NAV2: variants seen among roughly 807,000 people sequenced by gnomAD.
NAV2 encodes the protein neuron navigator 2.
In NAV2, 54 loss-of-function variants were observed where a neutral mutation model predicts 223.2. The observed-to-expected ratio is 0.24, with a 90% CI of 0.19 to 0.30. NAV2 has a LOEUF of 0.30. Among genes scored for constraint, NAV2 ranks in the 10% least tolerant of loss-of-function variants. The probability of loss-of-function intolerance (pLI) is 1.00; values close to 1 mark genes in which losing one functional copy is unlikely to be tolerated. For synonymous variants in NAV2, 1,279 were observed against 1,239.3 expected, an observed-to-expected ratio of 1.03 and a Z score of -0.67; for missense variants, 2,806 against 3,147.5, an observed-to-expected ratio of 0.89 and a Z score of 2.60.
chr11:20,033,403 G>A (rs2055989473), intron 11 of NAV2, among the ~76,000 whole-genome samples: 1 of 152,206 alleles, frequency 6.6e-6, no homozygotes, highest in Non-Finnish European at 1.5e-5. Flanking sequence ...AAATAGAAAT[G>A]TGTGACACTA....
At chr11:19,763,769 G>A (rs868151208) in intron 1 of NAV2, among the ~76,000 whole-genome samples, 14 of 147,710 alleles carry the variant, frequency 9.5e-5, no homozygotes, top group Middle Eastern at 3.5e-3. Flanking sequence ...AAAGATTAGC[G>A]TTGTTGTTTT....
At chr11:19,475,320 C>A (rs2042084042) in intron 1 of NAV2, among the ~76,000 whole-genome samples, 1 of 152,190 alleles carries the variant, frequency 6.6e-6, no homozygotes, top group African/African-American at 2.4e-5. Flanking sequence ...TTCAGTGAAG[C>A]CCAGCAGACC....
chr11:19,397,722 G>A (rs1849517623), intron 1 of NAV2, among the ~76,000 whole-genome samples: 1 of 152,148 alleles, frequency 6.6e-6, no homozygotes, highest in Admixed American at 6.5e-5. Flanking sequence ...GCTCTTAAGA[G>A]ACCTGGAGAC....
At chr11:19,531,129 T>C (rs868182556) in intron 1 of NAV2, among the ~76,000 whole-genome samples, 1 of 152,246 alleles carries the variant, frequency 6.6e-6, no homozygotes, top group Non-Finnish European at 1.5e-5. Flanking sequence ...TGAAGAAATA[T>C]ATAGACTATG....
intron 1 of NAV2, among the ~76,000 whole-genome samples, chr11:19,489,533 G>T (rs928410012): frequency 2.0e-5 from 3 of 152,122 alleles, no homozygotes; most frequent in Non-Finnish European, 4.4e-5. Context: ...TTAAATGAGG[G>T]TCACAGTCTC....
chr11:19,950,561 A>C (rs1364377455), intron 10 of NAV2, among the ~76,000 whole-genome samples: 1 of 152,256 alleles, frequency 6.6e-6, no homozygotes, highest in East Asian at 1.9e-4. Flanking sequence ...TGTGACTAGA[A>C]GTGTTCTTTT....
intron 37 of NAV2, among the ~76,000 whole-genome samples, chr11:20,117,666 T>C (rs2063232083): frequency 6.6e-6 from 1 of 151,658 alleles, no homozygotes; most frequent in Non-Finnish European, 1.5e-5. Context: ...TGGGAGGGGG[T>C]CCATGTGCTT....
At chr11:19,744,306 A>G (rs1429969278) in intron 1 of NAV2, among the ~76,000 whole-genome samples, 2 of 152,144 alleles carry the variant, frequency 1.3e-5, no homozygotes, top group Admixed American at 6.5e-5. Context: ...GAGGATGCCA[A>G]TGGCACACTT....
At chr11:19,677,897 T>C (rs2048760934) in intron 1 of NAV2, among the ~76,000 whole-genome samples, 1 of 152,276 alleles carries the variant, frequency 6.6e-6, no homozygotes, top group Non-Finnish European at 1.5e-5. Flanking sequence ...ATTTACTATC[T>C]GGCCTTTTAT....
chr11:19,641,295 A>G (rs890570952), intron 1 of NAV2, among the ~76,000 whole-genome samples: 2 of 152,056 alleles, frequency 1.3e-5, no homozygotes, highest in African/African-American at 4.8e-5. Context: ...TCTATATTCA[A>G]TCTAGCAACA....
intron 1 of NAV2, among the ~76,000 whole-genome samples, chr11:19,429,128 CA>C (rs2133577523): frequency 6.6e-6 from 1 of 152,344 alleles, no homozygotes; most frequent in East Asian, 1.9e-4. Context: ...CAGGTGCACT[CA>C]GAGTCTTCTG....
intron 1 of NAV2, among the ~76,000 whole-genome samples, chr11:19,732,866 ACCAAC>A (rs1192534837): frequency 6.6e-6 from 1 of 152,212 alleles, no homozygotes; most frequent in Non-Finnish European, 1.5e-5. Flanking sequence ...CGTGCCTCAC[ACCAAC>A]TATTCTTCCT....
chr11:19,949,844 A>T (rs150563360), intron 10 of NAV2, among the ~76,000 whole-genome samples: 7 of 152,340 alleles, frequency 4.6e-5, no homozygotes, highest in African/African-American at 1.7e-4. Context: ...AGGAGCTCAT[A>T]AATATTGCTA....
chr11:20,107,479 G>A (rs949400065), intron 35 of NAV2, 185 bp from the exon 36 acceptor site: 6 of 608,948 alleles, frequency 9.9e-6, no homozygotes, highest in East Asian at 5.4e-5. Context: ...GTGGAATCAG[G>A]GATCAGAGTG....
Position 19,775,284 on chromosome 11 carries a change from G to C in NAV2, c.268-57200G>C, listed in dbSNP as rs2056072338. On this transcript the variant is annotated intron_variant, in intron 1 of 37. Transcript: ENST00000349880. ...AGCCTGTGCCCCTTCCCTTGAGACAGCAAATATTGCTGCCTCTGTTTCATT... is the reference window on the plus strand; with the variant it reads ...AGCCTGTGCCCCTTCCCTTGAGACACCAAATATTGCTGCCTCTGTTTCATT... Among the ~76,000 whole-genome samples, 3 of 152,276 alleles carry C rather than the reference G, an allele frequency of 2.0e-5. 1 individual carries two copies. The South Asian group carries it at 6.2e-4, about 32-fold the overall frequency.
intron 10 of NAV2, among the ~76,000 whole-genome samples, chr11:19,973,218 T>A (rs763765417): frequency 6.6e-6 from 1 of 152,174 alleles, no homozygotes; most frequent in Non-Finnish European, 1.5e-5. Flanking sequence ...TGGGGGGGTC[T>A]ACATGAACCC....
intron 5 of NAV2, among the ~76,000 whole-genome samples, chr11:19,888,232 G>C (rs2041194478): frequency 6.6e-6 from 1 of 152,194 alleles, no homozygotes. Flanking sequence ...GTGATTATGA[G>C]AGGTCAAGTT....
Position 19,840,574 on chromosome 11 carries a change from A to G in NAV2, c.386-2297A>G, listed in dbSNP as rs563059761. On this transcript the variant is annotated intron_variant, in intron 2 of 37. Coordinates refer to ENST00000349880, the MANE Select transcript of NAV2 (RefSeq NM_145117.5). ...GACACCTTGACTGGCCTTGATTCTC[A>G]AAAGCTGCATATTTATTCTCTCCAA... is the stretch of plus-strand genomic sequence containing the variant. Among the ~76,000 whole-genome samples, 29 of 152,290 alleles carry G rather than the reference A, an allele frequency of 1.9e-4. 1 individual carries two copies. In the South Asian group the frequency reaches 6.0e-3, roughly 32 times the overall value.
At chr11:19,943,218 G>A (rs1051133355) in intron 8 of NAV2, among the ~76,000 whole-genome samples, 2 of 152,116 alleles carry the variant, frequency 1.3e-5, no homozygotes, top group Non-Finnish European at 2.9e-5. Flanking sequence ...TACATAAAAT[G>A]TGGCCAAATT....
Sources: allele counts gnomAD v4.1 joint callset (sites outside exome capture counted in the v4.1 genomes callset), GRCh38; gene constraint gnomAD v4.1.1; transcripts MANE v1.5; gene names NCBI Gene and HGNC (gene_info 2026-07-23, HGNC 2026-07-21).